Variants in MASTL observed in about 807,000 individuals in gnomAD.
MASTL encodes serine/threonine-protein kinase greatwall.
A neutral mutation model predicts 82.5 loss-of-function variants in MASTL; 54 were observed. The observed-to-expected ratio is 0.65, with a 90% CI of 0.53 to 0.82. The LOEUF is 0.82. Among genes scored for constraint, MASTL ranks in the 40% least tolerant of loss-of-function variants. The pLI is 0.00. For missense variants in MASTL, 950 were observed against 1,047.8 expected, an observed-to-expected ratio of 0.91 and a Z score of 1.29; for synonymous variants, 323 against 368.9, an observed-to-expected ratio of 0.88 and a Z score of 1.43.
At chr10:27,185,341 G>C (rs1463836721) in intron 11 of MASTL, among the ~76,000 whole-genome samples, 1 of 151,950 alleles carries the variant, frequency 6.6e-6, no homozygotes, top group African/African-American at 2.4e-5. Flanking sequence ...TCTTTAACAA[G>C]ATGCAGGCAG....
intron 9 of MASTL, among the ~76,000 whole-genome samples, chr10:27,176,891 A>G (rs1348951417): frequency 6.8e-6 from 1 of 146,726 alleles, no homozygotes; most frequent in African/African-American, 2.5e-5. Context: ...TGTTGCCCAG[A>G]CTGGAGTGCA....
chr10:27,170,482 A>T lies in MASTL; in HGVS notation c.1523A>T (p.Asn508Ile). The T allele has an allele frequency of 6.2e-7, 1 of 1,614,122 alleles. No individual in the cohort carries two copies. The highest frequency in any genetic ancestry group is 8.5e-7 in the Non-Finnish European group (1 of 1,180,006). ...SQQNDCANKE[N>I]IVNSFTDKQQ... The stretch of plus-strand genomic sequence containing the variant: ...CAAAATGACTGTGCTAATAAGGAGA[A>T]CATTGTCAATTCTTTTACTGATAAA... Residue 508 changes from asparagine (N) to isoleucine (I), a missense_variant, in exon 8 of 12, where the codon AAC (asparagine) becomes ATC (isoleucine). Physicochemically the swap from Asn to Ile is moderately radical, Grantham distance 149 (BLOSUM62 -3). Coordinates refer to ENST00000375940, the MANE Select transcript of MASTL (RefSeq NM_001172303.3).
At position 27,155,421 on chromosome 10, in the gene MASTL, C is replaced by T. The variant is rs1167616859; in HGVS notation, c.-6C>T. The T allele has an allele frequency of 2.5e-6, 4 of 1,604,696 alleles. No individual in the cohort carries two copies. The highest frequency in any genetic ancestry group is 1.1e-5 in the South Asian group (1 of 90,300). ...TGTCTGCGGGGCCGCTGTATGCTGT[C>T]CAGCGATGGATCCCACCGCGGGAAG... On this transcript the variant is annotated 5_prime_UTR_variant, in exon 1 of 12. Transcript: ENST00000375940.
chr10:27,165,598 A>G (rs2057715948), intron 6 of MASTL, 59 bp downstream of exon 6: 1 of 1,547,760 alleles, frequency 6.5e-7, no homozygotes. Flanking sequence ...ATACTACCAC[A>G]TTGGGAGGCT....
chr10:27,179,427 G>A (rs1172122438), intron 9 of MASTL, among the ~76,000 whole-genome samples: 2 of 152,068 alleles, frequency 1.3e-5, no homozygotes, highest in Admixed American at 6.6e-5. Context: ...CATGGTGGCA[G>A]GCGCCTGTAG....
At chr10:27,174,972 A>G (rs1369744751) in intron 9 of MASTL, among the ~76,000 whole-genome samples, 1 of 151,334 alleles carries the variant, frequency 6.6e-6, no homozygotes, top group Non-Finnish European at 1.5e-5. Context: ...TCTTTTCATG[A>G]TCATCTGTTT....
Position 27,186,681 on chromosome 10 carries a change from CA to C in MASTL, c.*146del. On this transcript the variant is annotated 3_prime_UTR_variant, in exon 12 of 12. Transcript: ENST00000375940. The stretch of plus-strand genomic sequence containing the variant: ...CTTTTAATGTACGTTACAGCTTTCA[CA>C]GAGTTAAAAGGCTGAAAGGAATATA... The C allele has an allele frequency of 1.3e-6, 1 of 784,302 alleles. No homozygotes were observed. Among genetic ancestry groups the C allele is most frequent in the East Asian group, 2.5e-5 (1 of 39,656 alleles). The allele number at this position is 784,302 out of a possible 1,614,324, so 48.6% of individuals were successfully genotyped here.
Position 27,165,389 on chromosome 10 carries a change from AAC to A in MASTL, c.666_667del (p.Pro223AsnfsTer18). ...GTTTTTATTTTTCTCTTTTTAATAGAACACACCAATTGCAGAAAAAAATCAAG... is the reference window on the plus strand; with the variant it reads ...GTTTTTATTTTTCTCTTTTTAATAGAACACCAATTGCAGAAAAAAATCAAG... ...VLSLISSLGF[N>X]TPIAEKNQDP... On this transcript the variant is annotated frameshift_variant and splice_region_variant, in exon 6 of 12. Transcript: ENST00000375940. LOFTEE classifies it high-confidence loss of function. 1 of 1,613,998 alleles carries A rather than the reference AAC, an allele frequency of 6.2e-7. No individual in the cohort carries two copies. The highest frequency in any genetic ancestry group is 8.5e-7 in the Non-Finnish European group (1 of 1,179,982).
Position 27,170,352 on chromosome 10 carries a change from T to TTA in MASTL, c.1393_1394insTA (p.Cys465LeufsTer3). On this transcript the variant is annotated frameshift_variant, in exon 8 of 12. Coordinates refer to ENST00000375940, the MANE Select transcript of MASTL (RefSeq NM_001172303.3). LOFTEE classifies it high-confidence loss of function. ...AAAAATTATACAGAATAAAAAAACT[T>TTA]GTGTAGAGTATAAGCATAACGAAAT... 6.2e-7 allele frequency: 1 copy of TTA among 1,613,620 alleles called. No homozygotes were observed. Among genetic ancestry groups the TTA allele is most frequent in the Non-Finnish European group, 8.5e-7 (1 of 1,179,752 alleles).
rs1002724567 is a variant in MASTL at position 27,158,603 on chromosome 10, G to T, written c.241G>T (p.Glu81Ter). The T allele has an allele frequency of 1.3e-5, 21 of 1,612,574 alleles. No homozygotes were observed. The highest frequency in any genetic ancestry group is 1.6e-5 in the Non-Finnish European group (19 of 1,178,666). ...AAATATGACTCATCAGGTCCAAGCTGAGAGAGATGCACTGGCACTAAGCAA... is the reference window on the plus strand; with the variant it reads ...AAATATGACTCATCAGGTCCAAGCTTAGAGAGATGCACTGGCACTAAGCAA... ...NKNMTHQVQA[E>*]RDALALSKSP... is the part of the protein sequence containing the mutation. The change falls in exon 2 of 12, where the codon GAG (glutamate) becomes TAG (stop). Residue 81 changes from glutamate to a stop codon, truncating the protein, a stop_gained. Coordinates refer to ENST00000375940, the MANE Select transcript of MASTL (RefSeq NM_001172303.3). LOFTEE classifies it high-confidence loss of function.
intron 9 of MASTL, among the ~76,000 whole-genome samples, chr10:27,174,353 T>TA (rs964816834): frequency 6.0e-5 from 9 of 151,036 alleles, no homozygotes; most frequent in African/African-American, 2.2e-4. Flanking sequence ...AGACTCTGTC[T>TA]AAAAAAAAAT....
At chr10:27,155,234 C>G (rs1233951654), upstream of MASTL, 1 of 616,808 alleles carries the variant, frequency 1.6e-6, no homozygotes, top group South Asian at 2.0e-5. Flanking sequence ...GAGTGTAAGG[C>G]TGCGAAGTCG....
At chr10:27,168,392 C>T (rs187344153) in intron 7 of MASTL, among the ~76,000 whole-genome samples, 1 of 152,144 alleles carries the variant, frequency 6.6e-6, no homozygotes, top group Non-Finnish European at 1.5e-5. Context: ...GAGGGATGCA[C>T]CGATGGGATT....
chr10:27,161,073 A>T (rs768129193), intron 3 of MASTL, 21 bp from the exon 4 acceptor site: 22 of 1,528,874 alleles, frequency 1.4e-5, no homozygotes, highest in Non-Finnish European at 1.8e-5. Context: ...GTTATCTAAT[A>T]TTTGCCTTTT....
upstream of MASTL, chr10:27,154,792 G>C (rs895365916): frequency 6.3e-6 from 1 of 158,484 alleles, no homozygotes; most frequent in Admixed American, 6.4e-5. Flanking sequence ...TGGGCCTTGA[G>C]CAATAAGGTC....
At chr10:27,154,517 C>T (rs2057291782), upstream of MASTL, 1 of 472,856 alleles carries the variant, frequency 2.1e-6, no homozygotes, top group East Asian at 3.3e-5. Flanking sequence ...CCCCAAAGGT[C>T]TTTAGCTGTT....
upstream of MASTL, chr10:27,155,052 T>C (rs906734618): frequency 7.7e-6 from 2 of 259,252 alleles, no homozygotes; most frequent in Non-Finnish European, 1.5e-5. Context: ...AGGTCGTGTA[T>C]GGGAGGAGGA....
At chr10:27,165,569 G>A (rs776462678) in intron 6 of MASTL, 30 bp downstream of exon 6, 12 of 1,609,868 alleles carry the variant, frequency 7.5e-6, no homozygotes, top group South Asian at 3.3e-5. Context: ...TAGGCCAGGC[G>A]CAGAGGCTTA....
At chr10:27,175,019 G>A (rs2058059900) in intron 9 of MASTL, among the ~76,000 whole-genome samples, 1 of 151,170 alleles carries the variant, frequency 6.6e-6, no homozygotes, top group Non-Finnish European at 1.5e-5. Context: ...CCTTTCTTCT[G>A]TTTGTATTTC....
Sources: gnomAD v4.1 joint callset for allele counts (sites outside exome capture counted in the v4.1 genomes callset) on GRCh38, gnomAD v4.1.1 for gene constraint, MANE v1.5 for transcripts, NCBI Gene and HGNC (gene_info 2026-07-23, HGNC 2026-07-21) for gene names.